CADM2: variants seen among roughly 807,000 people sequenced by gnomAD.
CADM2 encodes immunoglobulin superfamily member 4D.
A neutral mutation model predicts 49.8 loss-of-function variants in CADM2; 12 were observed. The observed-to-expected ratio is 0.24, with a 90% confidence interval of 0.15 to 0.39. The LOEUF (loss-of-function observed/expected upper bound fraction) is 0.39, where lower values mean the gene tolerates loss of function less well. Ranked by LOEUF, CADM2 falls within the 10% of genes least tolerant of loss-of-function variation. The pLI, the probability that CADM2 is intolerant of heterozygous loss-of-function variation, is 1.00. For missense variants in CADM2, 378 were observed against 492.3 expected, an observed-to-expected ratio of 0.77 and a Z score of 2.20; for synonymous variants, 214 against 175.4, an observed-to-expected ratio of 1.22 and a Z score of -1.74.
chr3:85,434,028 T>G (rs2036811582), intron 1 of CADM2, among the ~76,000 whole-genome samples: 3 of 152,104 alleles, frequency 2.0e-5, no homozygotes. Flanking sequence ...AATGTTGATT[T>G]AAAACTTACA....
intron 1 of CADM2, among the ~76,000 whole-genome samples, chr3:85,345,609 A>T (rs943114616): frequency 4.6e-5 from 7 of 152,150 alleles, no homozygotes; most frequent in African/African-American, 1.7e-4. Context: ...GAAGAATTTT[A>T]AAAAATGCCA....
chr3:85,541,698 A>T (rs1341622198), intron 1 of CADM2, among the ~76,000 whole-genome samples: 5 of 142,924 alleles, frequency 3.5e-5, no homozygotes, highest in Non-Finnish European at 4.5e-5. Context: ...GAGGGAATTA[A>T]ATTATATATA....
At chr3:85,798,504 A>C (rs2108059419) in intron 2 of CADM2, among the ~76,000 whole-genome samples, 1 of 152,276 alleles carries the variant, frequency 6.6e-6, no homozygotes. Flanking sequence ...CAATTTTCCC[A>C]ACACCATTTA....
rs533095386 is a variant in CADM2 at position 85,714,736 on chromosome 3, A to G, written c.62-11786A>G. 2.6e-5 allele frequency among the ~76,000 whole-genome samples: 4 copies of G among 152,026 alleles called. No homozygotes were observed. In the South Asian group the frequency reaches 8.3e-4, roughly 32 times the overall value. ...TGAGCCACCGCGCCTGGCCCTGTTT[A>G]TCTATTTTTACTTGACCTTATTCTG... is the stretch of plus-strand genomic sequence containing the variant. On this transcript the variant is annotated intron_variant, in intron 1 of 9. Coordinates refer to ENST00000383699, the MANE Select transcript of CADM2 (RefSeq NM_001167675.2).
intron 2 of CADM2, among the ~76,000 whole-genome samples, chr3:85,750,176 T>C (rs530749131): frequency 2.5e-4 from 38 of 152,108 alleles, no homozygotes; most frequent in Non-Finnish European, 4.4e-4. Flanking sequence ...CCTTTGATCA[T>C]GCATTTTTAC....
chr3:85,414,292 C>G (rs1466054396), intron 1 of CADM2, among the ~76,000 whole-genome samples: 2 of 151,796 alleles, frequency 1.3e-5, no homozygotes, highest in African/African-American at 4.8e-5. Context: ...CCAAAGACTC[C>G]GAAAAGAGAC....
At chr3:85,327,791 A>C (rs757866991) in intron 1 of CADM2, among the ~76,000 whole-genome samples, 2 of 152,154 alleles carry the variant, frequency 1.3e-5, no homozygotes, top group Non-Finnish European at 2.9e-5. Context: ...TGTAATTCAT[A>C]CTGCTTCTTG....
intron 1 of CADM2, among the ~76,000 whole-genome samples, chr3:85,278,718 TTGTGTGTG>T (rs36208431): frequency 0.081 from 11,752 of 144,396 alleles, 776 homozygotes; most frequent in African/African-American, 0.18. Flanking sequence ...GCTGATGTTC[TTGTGTGTG>T]TGTGTGTGTG....
At chr3:85,803,859 A>G (rs544830273) in intron 3 of CADM2, among the ~76,000 whole-genome samples, 3 of 152,322 alleles carry the variant, frequency 2.0e-5, no homozygotes, top group Admixed American at 6.5e-5. Flanking sequence ...TTAACCAAAC[A>G]TCTGGGAACA....
At chr3:86,017,094 A>G (rs1732350116) in intron 8 of CADM2, among the ~76,000 whole-genome samples, 2 of 151,198 alleles carry the variant, frequency 1.3e-5, no homozygotes, top group South Asian at 4.2e-4. Context: ...CTGTGCCATC[A>G]AGCTAATATG....
At chr3:85,859,222 G>GTTT (rs2075427775) in intron 3 of CADM2, among the ~76,000 whole-genome samples, 39 of 84,342 alleles carry the variant, frequency 4.6e-4, no homozygotes, top group South Asian at 1.2e-3. Flanking sequence ...TCTTTTTTTT[G>GTTT]TCTTTTTTTT....
rs562346856 is a variant in CADM2 at position 85,295,170 on chromosome 3, G to A, written c.61+335502G>A. On this transcript the variant is annotated intron_variant, in intron 1 of 9. Transcript: ENST00000383699. ...CTTCTCAAAAGAAGCCATTTATGCA[G>A]CCAAAAAACACATGTAAAAATGCTC... is the stretch of plus-strand genomic sequence containing the variant. Among the ~76,000 whole-genome samples the A allele has an allele frequency of 1.8e-3, 274 of 152,260 alleles. 1 individual carries two copies. Among genetic ancestry groups the A allele is most frequent in the African/African-American group, 6.3e-3 (262 of 41,516 alleles).
At chr3:85,363,641 TC>T (rs1218043585) in intron 1 of CADM2, among the ~76,000 whole-genome samples, 5 of 152,266 alleles carry the variant, frequency 3.3e-5, no homozygotes, top group Admixed American at 2.0e-4. Context: ...AGACGGAGTC[TC>T]GCTGTATGGC....
At chr3:85,948,264 T>C (rs1215912137) in intron 7 of CADM2, among the ~76,000 whole-genome samples, 7 of 151,534 alleles carry the variant, frequency 4.6e-5, no homozygotes, top group African/African-American at 1.2e-4. Context: ...TGATTATTTA[T>C]GTATTTTTAA....
At chr3:85,556,222 A>C (rs2061956576) in intron 1 of CADM2, among the ~76,000 whole-genome samples, 1 of 152,208 alleles carries the variant, frequency 6.6e-6, no homozygotes, top group African/African-American at 2.4e-5. Context: ...ATTATTAAAA[A>C]GTCAGAAGAA....
At chr3:85,554,889 T>A (rs1295078923) in intron 1 of CADM2, among the ~76,000 whole-genome samples, 9 of 151,432 alleles carry the variant, frequency 5.9e-5, no homozygotes, top group South Asian at 2.1e-4. Flanking sequence ...TTTATTTTTT[T>A]TTTTTTTGTG....
At chr3:85,633,008 C>A (rs1317792584) in intron 1 of CADM2, among the ~76,000 whole-genome samples, 1 of 151,628 alleles carries the variant, frequency 6.6e-6, no homozygotes, top group Non-Finnish European at 1.5e-5. Context: ...CTTAGAAAAC[C>A]TAGTATAGAA....
At chr3:85,215,362 A>G (rs1259360048) in intron 1 of CADM2, among the ~76,000 whole-genome samples, 1 of 150,000 alleles carries the variant, frequency 6.7e-6, no homozygotes, top group Non-Finnish European at 1.5e-5. Context: ...CTTTTTTAAA[A>G]AAAAAAAAAA....
intron 7 of CADM2, among the ~76,000 whole-genome samples, chr3:85,957,110 AT>A (rs972793565): frequency 1.3e-5 from 2 of 151,624 alleles, no homozygotes; most frequent in African/African-American, 4.8e-5. Context: ...TTATTTTATC[AT>A]TTTTTGCTGC....
Sources: allele counts gnomAD v4.1 joint callset (sites outside exome capture counted in the v4.1 genomes callset), GRCh38; gene constraint gnomAD v4.1.1; transcripts MANE v1.5; gene names NCBI Gene and HGNC (gene_info 2026-07-23, HGNC 2026-07-21).